PXDNL: variants seen among roughly 807,000 people sequenced by gnomAD.
PXDNL encodes the protein peroxidasin like.
In PXDNL, 145 loss-of-function variants were observed where a neutral mutation model predicts 150.8. That is an observed-to-expected ratio of 0.96 (90% CI 0.84 to 1.10). PXDNL has a LOEUF of 1.10. Among genes scored for constraint, PXDNL ranks in the 50% least tolerant of loss-of-function variants. The probability of loss-of-function intolerance (pLI) is 0.00; values close to 1 mark genes in which losing one functional copy is unlikely to be tolerated. For missense variants in PXDNL, 2,087 were observed against 1,873.9 expected (o/e 1.11, Z -2.10); for synonymous variants, 757 against 725.7 (o/e 1.04, Z -0.69).
chr8:51,353,807 T>G (rs1408018586), intron 19 of PXDNL, among the ~76,000 whole-genome samples: 1 of 152,142 alleles, frequency 6.6e-6, no homozygotes, highest in Non-Finnish European at 1.5e-5. Flanking sequence ...TGAAATAAAC[T>G]TCGTTTCAGT....
intron 5 of PXDNL, among the ~76,000 whole-genome samples, chr8:51,489,566 C>G (rs761308516): frequency 2.6e-5 from 4 of 152,172 alleles, no homozygotes; most frequent in Non-Finnish European, 5.9e-5. Flanking sequence ...AATCCTCCCA[C>G]TTCAGCCTCT....
chr8:51,375,435 A>G lies in PXDNL; in HGVS notation c.3558-704T>C, dbSNP rs73678555. Among the ~76,000 whole-genome samples the G allele has an allele frequency of 5.7e-3, 870 of 152,292 alleles. 10 individuals are homozygous for G. The highest frequency in any genetic ancestry group is 0.02 in the African/African-American group (830 of 41,560). ...TCTCTACTCTAATGATAAACGTGAC[A>G]CCAACTTAACTTGTCCCTTGTTTTA... On this transcript the variant is annotated intron_variant, in intron 17 of 22. Coordinates refer to ENST00000356297, the MANE Select transcript of PXDNL (RefSeq NM_144651.5).
chr8:51,443,110 T>G (rs1809590656), intron 12 of PXDNL, among the ~76,000 whole-genome samples: 1 of 152,174 alleles, frequency 6.6e-6, no homozygotes, highest in African/African-American at 2.4e-5. Flanking sequence ...TGTTTTCTCC[T>G]TGTAACATTC....
At chr8:51,600,417 C>T (rs866205576) in intron 2 of PXDNL, among the ~76,000 whole-genome samples, 7 of 112,594 alleles carry the variant, frequency 6.2e-5, no homozygotes, top group Non-Finnish European at 1.1e-4. Context: ...TAAATTATAT[C>T]GTTTAGATAA....
chr8:51,360,860 T>C (rs918211470), intron 19 of PXDNL, among the ~76,000 whole-genome samples: 4 of 152,248 alleles, frequency 2.6e-5, no homozygotes, highest in African/African-American at 9.6e-5. Context: ...TCTTTTTCTG[T>C]CCGTAAATCT....
At chr8:51,546,566 G>C (rs1014721290) in intron 4 of PXDNL, among the ~76,000 whole-genome samples, 1 of 152,204 alleles carries the variant, frequency 6.6e-6, no homozygotes, top group Non-Finnish European at 1.5e-5. Flanking sequence ...GGTAAAGGAA[G>C]CTCCTAGTTG....
chr8:51,772,976 A>T (rs1279073870), intron 1 of PXDNL, among the ~76,000 whole-genome samples: 1 of 152,252 alleles, frequency 6.6e-6, no homozygotes, highest in Non-Finnish European at 1.5e-5. Context: ...CACCTACTTC[A>T]ACACTTATAG....
At chr8:51,436,511 C>T (rs1809411754) in intron 12 of PXDNL, 1 of 295,392 alleles carries the variant, frequency 3.4e-6, no homozygotes, top group Non-Finnish European at 7.0e-6. Flanking sequence ...TGTGATCCCA[C>T]TGTTCAGACC....
chr8:51,748,312 A>C (rs1405098342), intron 1 of PXDNL, among the ~76,000 whole-genome samples: 1 of 152,130 alleles, frequency 6.6e-6, no homozygotes, highest in Non-Finnish European at 1.5e-5. Context: ...AATAAGTTCG[A>C]TTTCTTTCTT....
chr8:51,538,026 G>T (rs906899203), intron 4 of PXDNL, among the ~76,000 whole-genome samples: 1 of 152,172 alleles, frequency 6.6e-6, no homozygotes, highest in African/African-American at 2.4e-5. Flanking sequence ...TCTCAAACTT[G>T]TTACAAAGAA....
At chr8:51,393,196 C>A (rs1368035874) in intron 17 of PXDNL, among the ~76,000 whole-genome samples, 3 of 152,100 alleles carry the variant, frequency 2.0e-5, no homozygotes, top group Admixed American at 1.3e-4. Context: ...TTTTAATTTC[C>A]TAAATTTCCA....
At chr8:51,682,747 T>C (rs1190405720) in intron 1 of PXDNL, among the ~76,000 whole-genome samples, 2 of 152,102 alleles carry the variant, frequency 1.3e-5, no homozygotes, top group Admixed American at 1.3e-4. Flanking sequence ...GATATGACCA[T>C]ACGAGAGAGA....
intron 4 of PXDNL, among the ~76,000 whole-genome samples, chr8:51,509,271 A>T (rs1289558316): frequency 6.6e-6 from 1 of 152,222 alleles, no homozygotes; most frequent in East Asian, 1.9e-4. Context: ...TGTGTCAAAT[A>T]CATTTTTATA....
intron 2 of PXDNL, among the ~76,000 whole-genome samples, chr8:51,595,284 T>C (rs1365288888): frequency 6.6e-6 from 1 of 152,102 alleles, no homozygotes; most frequent in Non-Finnish European, 1.5e-5. Context: ...GTATACTGTG[T>C]GGTTGGAAAT....
chr8:51,626,566 A>G (rs921842205), intron 2 of PXDNL, among the ~76,000 whole-genome samples: 2 of 152,122 alleles, frequency 1.3e-5, no homozygotes, highest in African/African-American at 4.8e-5. Context: ...GGAGCCTCCA[A>G]ACAAATACCC....
In PXDNL at chr8:51,408,739, T is replaced by C. The variant is rs376936314; in HGVS notation, c.2885A>G (p.Asn962Ser). 5 of 1,589,174 alleles carry C rather than the reference T, an allele frequency of 3.1e-6. No individual in the cohort carries two copies. In the African/African-American group the frequency reaches 4.0e-5, roughly 13 times the overall value. Reference sequence around the variant, plus strand: ...CATGGCGGCCAGAGCCAGATGCTCGTTGGCCCGGTGGTCCCCGGCCAGGAA... The same window carrying C: ...CATGGCGGCCAGAGCCAGATGCTCGCTGGCCCGGTGGTCCCCGGCCAGGAA... ...PCFLAGDHRA[N>S]EHLALAAMHT... The change falls in exon 17 of 23, where the codon AAC becomes AGC. Residue 962 changes from asparagine (N) to serine (S), a missense_variant. Coordinates refer to ENST00000356297, the MANE Select transcript of PXDNL (RefSeq NM_144651.5).
intron 2 of PXDNL, among the ~76,000 whole-genome samples, chr8:51,619,618 G>T (rs150374688): frequency 6.6e-6 from 1 of 152,052 alleles, no homozygotes; most frequent in African/African-American, 2.4e-5. Context: ...GCACCTCCCC[G>T]CTTTCTCTTC....
intron 2 of PXDNL, among the ~76,000 whole-genome samples, chr8:51,600,223 A>C (rs1160973242): frequency 7.2e-6 from 1 of 138,748 alleles, no homozygotes; most frequent in African/African-American, 2.7e-5. Context: ...TATCTCATAT[A>C]AATTATATCG....
At chr8:51,566,672 C>CT (rs1009672168) in intron 3 of PXDNL, among the ~76,000 whole-genome samples, 30 of 148,246 alleles carry the variant, frequency 2.0e-4, no homozygotes, top group African/African-American at 2.2e-4. Flanking sequence ...TATGTTTATT[C>CT]TTTTTTTTTT....
Sources: allele counts gnomAD v4.1 joint callset (sites outside exome capture counted in the v4.1 genomes callset), GRCh38; gene constraint gnomAD v4.1.1; transcripts MANE v1.5; gene names NCBI Gene and HGNC (gene_info 2026-07-23, HGNC 2026-07-21).